The following EXOC1L variants were observed in gnomAD, a reference collection of about 807,000 sequenced individuals.
EXOC1L encodes the protein exocyst complex component 1-like.
A neutral mutation model predicts 4.9 loss-of-function variants in EXOC1L; 10 were observed. That is an observed-to-expected ratio of 2.02 (90% CI 1.25 to 3.43). The LOEUF (loss-of-function observed/expected upper bound fraction) is 3.43, where lower values mean the gene tolerates loss of function less well. Among genes scored for constraint, EXOC1L ranks in the 30% most tolerant of loss-of-function variants. EXOC1L has a pLI of 0.00. For missense variants in EXOC1L, 114 were observed against 59.4 expected (o/e 1.92, Z -3.02); for synonymous variants, 41 against 20.8 (o/e 1.97, Z -2.63).
intron 2 of EXOC1L, among the ~76,000 whole-genome samples, chr4:55,834,419 A>G (rs1025086621): frequency 6.6e-6 from 1 of 151,958 alleles, no homozygotes; most frequent in Non-Finnish European, 1.5e-5. Context: ...ATATCAATAA[A>G]TGATTCCTGA....
At chr4:55,834,394 A>T (rs1720110048) in intron 2 of EXOC1L, among the ~76,000 whole-genome samples, 1 of 151,934 alleles carries the variant, frequency 6.6e-6, no homozygotes, top group African/African-American at 2.4e-5. Flanking sequence ...CTACTGTGTT[A>T]TCCCAGCTAA....
chr4:55,836,408 G>T (rs931998347), intron 2 of EXOC1L, among the ~76,000 whole-genome samples: 2 of 151,882 alleles, frequency 1.3e-5, no homozygotes, highest in Non-Finnish European at 2.9e-5. Flanking sequence ...TAAATGCAAG[G>T]CATCATTGTT....
intron 1 of EXOC1L, among the ~76,000 whole-genome samples, chr4:55,826,039 T>C (rs1409101552): frequency 1.4e-5 from 2 of 147,020 alleles, no homozygotes; most frequent in East Asian, 2.0e-4. Flanking sequence ...GAGTCGAGAT[T>C]GTGCTGTTGC....
chr4:55,832,951 T>C (rs1720070669), intron 2 of EXOC1L, among the ~76,000 whole-genome samples: 1 of 152,024 alleles, frequency 6.6e-6, no homozygotes, highest in Non-Finnish European at 1.5e-5. Context: ...AATCTGAATA[T>C]CTAAAATTTG....
At chr4:55,834,240 C>A (rs139024629) in intron 2 of EXOC1L, among the ~76,000 whole-genome samples, 2 of 151,942 alleles carry the variant, frequency 1.3e-5, no homozygotes, top group East Asian at 3.9e-4. Flanking sequence ...AAGCAGAAAT[C>A]AAAATGACTG....
intron 2 of EXOC1L, among the ~76,000 whole-genome samples, chr4:55,834,925 A>G (rs1265471535): frequency 6.6e-6 from 1 of 151,886 alleles, no homozygotes; most frequent in Non-Finnish European, 1.5e-5. Flanking sequence ...TGATGCACCC[A>G]TCACCCAAGC....
chr4:55,830,859 C>T lies in EXOC1L; in HGVS notation c.122-475C>T, dbSNP rs536515288. On this transcript the variant is annotated intron_variant, in intron 1 of 2. Transcript: ENST00000636125. Reference sequence around the variant, plus strand: ...TAAAGGCAAGTGTCCACAGTTACTGCGGTATTTGCTTGGTCACTTACTCTT... The same window carrying T: ...TAAAGGCAAGTGTCCACAGTTACTGTGGTATTTGCTTGGTCACTTACTCTT... Among the ~76,000 whole-genome samples the T allele has an allele frequency of 5.3e-5, 8 of 152,266 alleles. No homozygotes were observed. In the East Asian group the frequency reaches 5.8e-4, roughly 11 times the overall value.
In EXOC1L at chr4:55,828,602, C is replaced by T. The variant is rs116569020; in HGVS notation, c.122-2732C>T. On this transcript the variant is annotated intron_variant, in intron 1 of 2. Transcript: ENST00000636125. ...ATCCCAACATTTTGAGAGGCCGAGG[C>T]AGGAGCATGGCTTGAGGCCAGGAGT... is the stretch of plus-strand genomic sequence containing the variant. Among the ~76,000 whole-genome samples, 902 of 152,254 alleles carry T rather than the reference C, an allele frequency of 5.9e-3. 8 individuals are homozygous for T. Among genetic ancestry groups the T allele is most frequent in the African/African-American group, 0.021 (856 of 41,534 alleles).
intron 1 of EXOC1L, among the ~76,000 whole-genome samples, chr4:55,825,295 T>C (rs1719851434): frequency 6.6e-6 from 1 of 152,234 alleles, no homozygotes; most frequent in African/African-American, 2.4e-5. Flanking sequence ...CAGGTTTTTT[T>C]CGACTTTACC....
intron 2 of EXOC1L, among the ~76,000 whole-genome samples, chr4:55,832,668 C>A (rs1029662459): frequency 6.6e-6 from 1 of 151,976 alleles, no homozygotes; most frequent in Non-Finnish European, 1.5e-5. Flanking sequence ...GAATTAGATT[C>A]TATTATTCCA....
chr4:55,833,994 CTGTT>C (rs1394191961), intron 2 of EXOC1L, among the ~76,000 whole-genome samples: 1 of 151,842 alleles, frequency 6.6e-6, no homozygotes, highest in East Asian at 1.9e-4. Flanking sequence ...AATACCCTGA[CTGTT>C]CTGGGAATTT....
chr4:55,833,233 C>T (rs930870240), intron 2 of EXOC1L, among the ~76,000 whole-genome samples: 1 of 151,760 alleles, frequency 6.6e-6, no homozygotes, highest in African/African-American at 2.4e-5. Flanking sequence ...AAGAATATCT[C>T]AGAACACAAT....
intron 1 of EXOC1L, among the ~76,000 whole-genome samples, chr4:55,820,916 G>A (rs1000712872): frequency 5.3e-5 from 8 of 152,148 alleles, no homozygotes; most frequent in African/African-American, 1.9e-4. Context: ...GAGTGCTCAT[G>A]CCATTATTGA....
At chr4:55,826,997 C>A (rs77171411) in intron 1 of EXOC1L, among the ~76,000 whole-genome samples, 2,576 of 152,328 alleles carry the variant, frequency 0.017, 58 homozygotes, top group African/African-American at 0.053. Flanking sequence ...CCACCTCCAA[C>A]CTATCCTTTA....
At chr4:55,834,770 C>T (rs541414684) in intron 2 of EXOC1L, among the ~76,000 whole-genome samples, 2 of 151,604 alleles carry the variant, frequency 1.3e-5, no homozygotes, top group East Asian at 3.9e-4. Flanking sequence ...GCTTAAAAAC[C>T]ACACCACCTT....
chr4:55,835,196 T>C (rs1464064630), intron 2 of EXOC1L, among the ~76,000 whole-genome samples: 3 of 150,918 alleles, frequency 2.0e-5, no homozygotes, highest in Non-Finnish European at 3.0e-5. Context: ...CCATGATATA[T>C]ATATTATATA....
chr4:55,823,150 A>G (rs965811309), intron 1 of EXOC1L, among the ~76,000 whole-genome samples: 1 of 152,074 alleles, frequency 6.6e-6, no homozygotes, highest in African/African-American at 2.4e-5. Flanking sequence ...TGCTAGAATT[A>G]TAAAAATAAT....
intron 1 of EXOC1L, among the ~76,000 whole-genome samples, chr4:55,827,210 C>T (rs919583091): frequency 3.3e-5 from 5 of 152,184 alleles, no homozygotes; most frequent in Admixed American, 1.3e-4. Flanking sequence ...ACCCTCACAC[C>T]TCATGCCAGC....
chr4:55,827,611 C>A (rs1421332330), intron 1 of EXOC1L, among the ~76,000 whole-genome samples: 1 of 152,122 alleles, frequency 6.6e-6, no homozygotes, highest in African/African-American at 2.4e-5. Context: ...TACAAATGAC[C>A]ATAACATGCT....
Sources: gnomAD v4.1 joint callset for allele counts (sites outside exome capture counted in the v4.1 genomes callset) on GRCh38, gnomAD v4.1.1 for gene constraint, MANE v1.5 for transcripts, NCBI Gene and HGNC (gene_info 2026-07-23, HGNC 2026-07-21) for gene names.